The following PCDHGB1 variants were observed in gnomAD, a reference collection of about 807,000 sequenced individuals.
PCDHGB1 encodes the protein protocadherin gamma subfamily B, 1.
In PCDHGB1, 34 loss-of-function variants were observed where a neutral mutation model predicts 56.6. That is an observed-to-expected ratio of 0.60 (90% CI 0.46 to 0.80). The LOEUF (loss-of-function observed/expected upper bound fraction) is 0.80, where lower values mean the gene tolerates loss of function less well. Ranked by LOEUF, PCDHGB1 falls within the 30% of genes least tolerant of loss-of-function variation. PCDHGB1 has a pLI of 0.00. For synonymous variants in PCDHGB1, 561 were observed against 505.9 expected, an observed-to-expected ratio of 1.11 and a Z score of -1.46; for missense variants, 1,278 against 1,204.6, an observed-to-expected ratio of 1.06 and a Z score of -0.90.
chr5:141,418,478 G>C (rs777772131), intron 1 of PCDHGB1: 1 of 1,613,976 alleles, frequency 6.2e-7, no homozygotes, highest in Non-Finnish European at 8.5e-7. Context: ...AACGCAGAGC[G>C]CTCACCACTT....
chr5:141,384,752 C>A, intron 1 of PCDHGB1: 1 of 1,614,024 alleles, frequency 6.2e-7, no homozygotes, highest in East Asian at 2.2e-5. Flanking sequence ...GGACTCTTTG[C>A]GGTTGGGCTG....
At chr5:141,481,732 T>G (rs549671056) in intron 1 of PCDHGB1, among the ~76,000 whole-genome samples, 33 of 151,884 alleles carry the variant, frequency 2.2e-4, no homozygotes, top group Non-Finnish European at 4.3e-4. Context: ...GGCGGGCGGA[T>G]CACGAGGTCA....
chr5:141,380,133 TA>T (rs926535688), intron 1 of PCDHGB1, among the ~76,000 whole-genome samples: 12 of 151,832 alleles, frequency 7.9e-5, no homozygotes, highest in African/African-American at 2.9e-4. Context: ...CTCCTGACCT[TA>T]AGTGATCCAC....
chr5:141,384,021 A>G (rs1779689462), intron 1 of PCDHGB1: 1 of 1,613,720 alleles, frequency 6.2e-7, no homozygotes, highest in African/African-American at 1.3e-5. Context: ...TACAAGACAG[A>G]GATTCTGGAA....
At chr5:141,413,637 G>T in intron 1 of PCDHGB1, 8 of 1,613,888 alleles carry the variant, frequency 5.0e-6, no homozygotes, top group Non-Finnish European at 6.8e-6. Context: ...CTGCGGGAAT[G>T]CGTTTTCCTC....
intron 1 of PCDHGB1, chr5:141,423,618 C>CT (rs1300844043): frequency 1.9e-6 from 3 of 1,608,282 alleles, no homozygotes; most frequent in Admixed American, 1.7e-5. Flanking sequence ...TAGCTGAAGA[C>CT]TCAGCTATCA....
chr5:141,475,616 G>A (rs2099366026), intron 1 of PCDHGB1, among the ~76,000 whole-genome samples: 1 of 152,206 alleles, frequency 6.6e-6, no homozygotes, highest in Admixed American at 6.5e-5. Flanking sequence ...GTAGTTTTCG[G>A]TTTGGTTCGA....
intron 1 of PCDHGB1, chr5:141,384,132 C>T (rs1290502346): frequency 6.2e-7 from 1 of 1,611,710 alleles, no homozygotes; most frequent in Non-Finnish European, 8.5e-7. Context: ...AAAACTTGGA[C>T]CGGGAAACAC....
At chr5:141,357,586 G>T (rs745537699) in intron 1 of PCDHGB1, 3 of 1,614,126 alleles carry the variant, frequency 1.9e-6, no homozygotes, top group East Asian at 4.5e-5. Flanking sequence ...GATAACTCAG[G>T]ATTTACTTGA....
At chr5:141,386,308 A>G (rs1057447717) in intron 1 of PCDHGB1, among the ~76,000 whole-genome samples, 5 of 152,236 alleles carry the variant, frequency 3.3e-5, no homozygotes, top group African/African-American at 4.8e-5. Flanking sequence ...AAAGCTCAGT[A>G]TATCAAGTGA....
At chr5:141,390,523 G>A in intron 1 of PCDHGB1, 1 of 556,304 alleles carries the variant, frequency 1.8e-6, no homozygotes, top group Non-Finnish European at 3.1e-6. Context: ...AGCAATGAGG[G>A]TGTGGTTTTA....
At chr5:141,379,885 G>A (rs1386862862) in intron 1 of PCDHGB1, among the ~76,000 whole-genome samples, 2 of 89,210 alleles carry the variant, frequency 2.2e-5, no homozygotes, top group African/African-American at 8.6e-5. Context: ...GTCTGTGAAA[G>A]CCTCTTTTTT....
In PCDHGB1 at chr5:141,487,883, G is replaced by A; in HGVS notation, c.2410-6924G>A. ...GGTGATCAAGAGCCAGGCTGTTGTG[G>A]AAGCATGATGATGGAATGTGGGAGC... is the stretch of plus-strand genomic sequence containing the variant. On this transcript the variant is annotated intron_variant, in intron 1 of 3. Transcript: ENST00000523390. This position sits in a 1 kb window ranked among gnomAD's most constrained non-coding sequence, Gnocchi z 5.0. The A allele has an allele frequency of 1.3e-6, 1 of 766,586 alleles. No homozygotes were observed. The highest frequency in any genetic ancestry group is 1.8e-5 in the South Asian group (1 of 55,094). 47.5% of individuals were successfully genotyped at this position (766,586 alleles called of 1,614,324 possible).
intron 1 of PCDHGB1, chr5:141,371,721 C>A: frequency 6.2e-7 from 1 of 1,614,084 alleles, no homozygotes; most frequent in Non-Finnish European, 8.5e-7. Flanking sequence ...TCTGCACATC[C>A]TTGATGTCAA....
At chr5:141,375,557 G>T (rs1160596322) in intron 1 of PCDHGB1, 1 of 1,613,988 alleles carries the variant, frequency 6.2e-7, no homozygotes, top group Admixed American at 1.7e-5. Context: ...CTACTCACTG[G>T]CAGAAGACAC....
At chr5:141,466,384 T>C (rs1209046694) in intron 1 of PCDHGB1, among the ~76,000 whole-genome samples, 9 of 152,168 alleles carry the variant, frequency 5.9e-5, no homozygotes, top group Non-Finnish European at 1.3e-4. Context: ...ACCCATCTAA[T>C]GGAAAGTTTG....
intron 1 of PCDHGB1, chr5:141,361,508 T>C: frequency 1.9e-6 from 3 of 1,614,028 alleles, no homozygotes; most frequent in East Asian, 4.5e-5. Context: ...ACTTCCTACA[T>C]GGTTCACGTG....
At chr5:141,390,249 C>A (rs749702926) in intron 1 of PCDHGB1, 1 of 1,614,046 alleles carries the variant, frequency 6.2e-7, no homozygotes, top group South Asian at 1.1e-5. Context: ...CTTATTTCCA[C>A]TTTGTAATTC....
At chr5:141,392,893 G>A (rs1281523592) in intron 1 of PCDHGB1, 10 of 1,613,662 alleles carry the variant, frequency 6.2e-6, no homozygotes, top group African/African-American at 2.7e-5. Flanking sequence ...TGGGAAATCG[G>A]GAGGGGACAG....
Sources: allele counts gnomAD v4.1 joint callset (sites outside exome capture counted in the v4.1 genomes callset), GRCh38; gene constraint gnomAD v4.1.1; non-coding constraint Gnocchi (gnomAD v3.1); transcripts MANE v1.5; gene names NCBI Gene and HGNC (gene_info 2026-07-23, HGNC 2026-07-21).